HCN1: variants seen among roughly 807,000 people sequenced by gnomAD.
HCN1 encodes the protein hyperpolarization activated cyclic nucleotide gated potassium channel 1, also known as potassium/sodium hyperpolarization-activated cyclic nucleotide-gated channel 1.
In HCN1, 13 loss-of-function variants were observed where a neutral mutation model predicts 78.9. That is an observed-to-expected ratio of 0.16 (90% CI 0.11 to 0.26). The LOEUF is 0.26. HCN1 is among the 10% of genes least tolerant of loss of function. The probability of loss-of-function intolerance (pLI) is 1.00; values close to 1 mark genes in which losing one functional copy is unlikely to be tolerated. For synonymous variants in HCN1, 552 were observed against 455.5 expected (o/e 1.21, Z -2.70); for missense variants, 810 against 1,154.3 (o/e 0.70, Z 4.32).
At chr5:45,503,334 G>A (rs1370048462) in intron 2 of HCN1, among the ~76,000 whole-genome samples, 5 of 152,044 alleles carry the variant, frequency 3.3e-5, no homozygotes, top group Admixed American at 2.0e-4. Flanking sequence ...TCCAGATCTC[G>A]AGAAACTCTA....
At chr5:45,334,672 G>A (rs905952351) in intron 5 of HCN1, among the ~76,000 whole-genome samples, 1 of 151,880 alleles carries the variant, frequency 6.6e-6, no homozygotes, top group Non-Finnish European at 1.5e-5. Context: ...AATAATTTTT[G>A]TTTGTTTTAT....
chr5:45,324,658 G>T (rs1176667697), intron 5 of HCN1, among the ~76,000 whole-genome samples: 1 of 151,678 alleles, frequency 6.6e-6, no homozygotes, highest in Admixed American at 6.6e-5. Context: ...ATAAAACATG[G>T]CTTGGTTTGA....
intron 5 of HCN1, among the ~76,000 whole-genome samples, chr5:45,317,461 C>A (rs1422379681): frequency 6.6e-6 from 1 of 152,192 alleles, no homozygotes; most frequent in African/African-American, 2.4e-5. Flanking sequence ...CATAAAAACC[C>A]TAGAAGAAGA....
chr5:45,590,227 T>C (rs1744331632), intron 2 of HCN1, among the ~76,000 whole-genome samples: 1 of 152,164 alleles, frequency 6.6e-6, no homozygotes, highest in Non-Finnish European at 1.5e-5. Flanking sequence ...ATAAAATACA[T>C]TAGCTAAATT....
intron 5 of HCN1, among the ~76,000 whole-genome samples, chr5:45,315,007 A>C (rs1745948795): frequency 6.6e-6 from 1 of 152,170 alleles, no homozygotes; most frequent in African/African-American, 2.4e-5. Context: ...CAGATCAACG[A>C]GACAGAAAGT....
intron 4 of HCN1, among the ~76,000 whole-genome samples, chr5:45,385,492 G>T (rs1747892482): frequency 6.6e-6 from 1 of 152,018 alleles, no homozygotes; most frequent in African/African-American, 2.4e-5. Flanking sequence ...GAGTCATCTA[G>T]TCAGGAAATA....
intron 2 of HCN1, among the ~76,000 whole-genome samples, chr5:45,625,597 C>T (rs900203005): frequency 6.6e-6 from 1 of 151,624 alleles, no homozygotes; most frequent in Non-Finnish European, 1.5e-5. Flanking sequence ...ATAAAAAGCA[C>T]TCTCACCTGG....
At chr5:45,576,953 A>C (rs1357996076) in intron 2 of HCN1, among the ~76,000 whole-genome samples, 2 of 152,002 alleles carry the variant, frequency 1.3e-5, no homozygotes, top group South Asian at 4.1e-4. Context: ...TTAACCCTCT[A>C]TGCAAACTTA....
intron 2 of HCN1, among the ~76,000 whole-genome samples, chr5:45,518,133 A>G (rs1234999483): frequency 6.6e-6 from 1 of 152,106 alleles, no homozygotes; most frequent in Non-Finnish European, 1.5e-5. Context: ...TGATAGACTG[A>G]AACAACTTTA....
rs2111838268 is a variant in HCN1, at chr5:45,262,042, G to A, written c.2552C>T (p.Pro851Leu). 1 of 1,614,000 alleles carries A rather than the reference G, an allele frequency of 6.2e-7. No individual in the cohort carries two copies. Among genetic ancestry groups the A allele is most frequent in the South Asian group, 1.1e-5 (1 of 91,082 alleles). The stretch of plus-strand genomic sequence containing the variant: ...TGCTGGAGGGACTCCTCGGTTCGGG[G>A]GGATGGCTCCCGACGACATCTGTCG... ...LFRQMSSGAI[P>L]PNRGVPPAPP... The change falls in exon 8 of 8, where the codon CCC (proline) becomes CTC (leucine). Residue 851 changes from proline to leucine, a missense_variant. Around this residue, in one of 6 missense-constraint regions of HCN1, gnomAD observed 398 missense variants for 381.3 expected, o/e 1.04. Coordinates refer to ENST00000303230, the MANE Select transcript of HCN1 (RefSeq NM_021072.4).
At chr5:45,565,916 C>T (rs1281958604) in intron 2 of HCN1, among the ~76,000 whole-genome samples, 1 of 152,152 alleles carries the variant, frequency 6.6e-6, no homozygotes, top group East Asian at 1.9e-4. Context: ...GAGAAAATTA[C>T]TTTGAAGAGT....
At chr5:45,416,661 A>G (rs1382752909) in intron 3 of HCN1, among the ~76,000 whole-genome samples, 1 of 152,000 alleles carries the variant, frequency 6.6e-6, no homozygotes, top group Non-Finnish European at 1.5e-5. Context: ...ATTATTGTTT[A>G]GCCTTAGATG....
At chr5:45,346,639 G>C (rs948874164) in intron 5 of HCN1, among the ~76,000 whole-genome samples, 1 of 152,144 alleles carries the variant, frequency 6.6e-6, no homozygotes, top group Non-Finnish European at 1.5e-5. Context: ...ATGGCACCTG[G>C]AAAATCGGGT....
Position 45,372,150 on chromosome 5 carries a change from A to T in HCN1, c.1231-18904T>A, listed in dbSNP as rs1213539030. Among the ~76,000 whole-genome samples the T allele has an allele frequency of 9.4e-4, 54 of 57,740 alleles. 1 individual carries two copies. The highest frequency in any genetic ancestry group is 6.2e-3 in the Admixed American group (19 of 3,048). 37.9% of individuals were successfully genotyped at this position (57,740 alleles called of 152,430 possible). Reference sequence around the variant, plus strand: ...TATATATAATATAATAATATATTATATAATATGTTATTATATATAATTATA... The same window carrying T: ...TATATATAATATAATAATATATTATTTAATATGTTATTATATATAATTATA... On this transcript the variant is annotated intron_variant, in intron 4 of 7. Coordinates refer to ENST00000303230, the MANE Select transcript of HCN1 (RefSeq NM_021072.4).
intron 2 of HCN1, among the ~76,000 whole-genome samples, chr5:45,467,036 T>C (rs1741284063): frequency 6.6e-6 from 1 of 152,138 alleles, no homozygotes; most frequent in Non-Finnish European, 1.5e-5. Context: ...CCAAGTATTG[T>C]CCCATACTCA....
At chr5:45,447,104 A>C (rs1218476250) in intron 3 of HCN1, among the ~76,000 whole-genome samples, 1 of 152,232 alleles carries the variant, frequency 6.6e-6, no homozygotes, top group Non-Finnish European at 1.5e-5. Flanking sequence ...TTGGATAAAG[A>C]GTCAAGACCC....
chr5:45,580,913 A>G (rs1004622412), intron 2 of HCN1, among the ~76,000 whole-genome samples: 6 of 152,166 alleles, frequency 3.9e-5, no homozygotes, highest in African/African-American at 1.4e-4. Flanking sequence ...TGTATGTGCC[A>G]CATTTTCTTA....
chr5:45,493,245 G>A (rs1028863667), intron 2 of HCN1, among the ~76,000 whole-genome samples: 1 of 151,664 alleles, frequency 6.6e-6, no homozygotes, highest in Admixed American at 6.6e-5. Flanking sequence ...TGTATATATA[G>A]ATATATATAT....
At chr5:45,309,848 C>T (rs1318941236) in intron 5 of HCN1, among the ~76,000 whole-genome samples, 1 of 151,946 alleles carries the variant, frequency 6.6e-6, no homozygotes, top group African/African-American at 2.4e-5. Flanking sequence ...GTTTCTTTGC[C>T]AGGTTTGGTA....
Sources: gnomAD v4.1 joint callset for allele counts (sites outside exome capture counted in the v4.1 genomes callset) on GRCh38, gnomAD v4.1.1 for gene constraint, gnomAD v4.1.1 regional missense constraint, MANE v1.5 for transcripts, NCBI Gene and HGNC (gene_info 2026-07-23, HGNC 2026-07-21) for gene names.